The following CCN6 variants were observed in gnomAD, a reference collection of about 807,000 sequenced individuals.
CCN6 encodes cellular communication network factor 6.
A neutral mutation model predicts 37.4 loss-of-function variants in CCN6; 31 were observed. That is an observed-to-expected ratio of 0.83 (90% CI 0.62 to 1.12). The LOEUF (loss-of-function observed/expected upper bound fraction) is 1.12. Ranked by LOEUF, CCN6 falls within the 50% of genes most tolerant of loss-of-function variation. The pLI is 0.00. For missense variants in CCN6, 369 were observed against 413.8 expected, an observed-to-expected ratio of 0.89 and a Z score of 0.94; for synonymous variants, 137 against 142.1, an observed-to-expected ratio of 0.96 and a Z score of 0.26.
intron 2 of CCN6, among the ~76,000 whole-genome samples, chr6:112,063,010 G>GT (rs1423982861): frequency 6.6e-6 from 1 of 152,002 alleles, no homozygotes; most frequent in Non-Finnish European, 1.5e-5. Context: ...TAAGAATAAC[G>GT]TTTTTATGAA....
At chr6:112,069,184 G>A (rs185561719) in intron 4 of CCN6, among the ~76,000 whole-genome samples, 155 bp from the exon 5 acceptor site, 377 of 152,174 alleles carry the variant, frequency 2.5e-3, no homozygotes, top group Non-Finnish European at 4.0e-3. Flanking sequence ...GATAAGAAGG[G>A]GATCTTAAGG....
chr6:112,057,091 G>T (rs1234509973), intron 1 of CCN6, among the ~76,000 whole-genome samples: 1 of 152,162 alleles, frequency 6.6e-6, no homozygotes, highest in Non-Finnish European at 1.5e-5. Flanking sequence ...GGCATCCGGG[G>T]GCAGTTTTGG....
At chr6:112,059,211 A>C (rs1554312298) in intron 1 of CCN6, among the ~76,000 whole-genome samples, 1 of 152,138 alleles carries the variant, frequency 6.6e-6, no homozygotes, top group Non-Finnish European at 1.5e-5. Context: ...AAATAATTTG[A>C]GTCTCAGGGT....
intron 3 of CCN6, among the ~76,000 whole-genome samples, chr6:112,065,523 C>G (rs1554313732): frequency 6.6e-6 from 1 of 151,808 alleles, no homozygotes; most frequent in Non-Finnish European, 1.5e-5. Context: ...AGTCCTTTCC[C>G]TCACTCTGAA....
At chr6:112,063,349 T>C (rs151059380) in intron 2 of CCN6, among the ~76,000 whole-genome samples, 115 of 152,340 alleles carry the variant, frequency 7.5e-4, no homozygotes, top group African/African-American at 2.6e-3. Flanking sequence ...TCTGAAACCA[T>C]ATCAATGAAC....
At chr6:112,060,255 G>A (rs1246529592) in intron 1 of CCN6, among the ~76,000 whole-genome samples, 1 of 152,202 alleles carries the variant, frequency 6.6e-6, no homozygotes, top group Non-Finnish European at 1.5e-5. Flanking sequence ...CATTCTGGAT[G>A]TCAAGTGGAC....
intron 2 of CCN6, 58 bp downstream of exon 2, chr6:112,061,346 T>C (rs782586907): frequency 6.2e-6 from 10 of 1,611,964 alleles, no homozygotes; most frequent in South Asian, 5.5e-5. Flanking sequence ...AATTTTTTTT[T>C]CCTGCAATTG....
In CCN6 at chr6:112,060,228, G is replaced by T. The variant is rs1459489540; in HGVS notation, c.49-763G>T. ...TATGAGCAAAGAGTGATATGAACTG[G>T]CTTATTTTTAAAGAATCATTCTGGA... On this transcript the variant is annotated intron_variant, in intron 1 of 4. Transcript: ENST00000368666. Among the ~76,000 whole-genome samples the T allele has an allele frequency of 1.3e-5, 2 of 152,176 alleles. No individual in the cohort carries two copies. The highest frequency in any genetic ancestry group is 2.9e-5 in the Non-Finnish European group (2 of 68,030).
At chr6:112,068,437 AG>A in intron 4 of CCN6, 39 bp downstream of exon 4, 1 of 1,541,488 alleles carries the variant, frequency 6.5e-7, no homozygotes, top group Non-Finnish European at 8.8e-7. Flanking sequence ...CAATATTAAG[AG>A]ATTCCTGAAA....
intron 1 of CCN6, among the ~76,000 whole-genome samples, chr6:112,059,460 C>T (rs1245426338): frequency 6.6e-6 from 1 of 152,128 alleles, no homozygotes; most frequent in Non-Finnish European, 1.5e-5. Flanking sequence ...GACCATGACC[C>T]ATTTCAGCAA....
At chr6:112,065,608 A>G (rs145931271) in intron 3 of CCN6, among the ~76,000 whole-genome samples, 59 of 75,358 alleles carry the variant, frequency 7.8e-4, no homozygotes, top group African/African-American at 1.7e-3. Context: ...ACAAACACAC[A>G]CGCACACACA....
intron 1 of CCN6, among the ~76,000 whole-genome samples, chr6:112,060,447 A>G (rs1380995015): frequency 6.6e-6 from 1 of 152,238 alleles, no homozygotes; most frequent in Non-Finnish European, 1.5e-5. Flanking sequence ...AGAAGAGTCA[A>G]GCATGATCTG....
Position 112,054,416 on chromosome 6 carries a change from T to TC in CCN6, c.48+16dup. On this transcript the variant is annotated intron_variant, in intron 1 of 4. Transcript: ENST00000368666. ...GCTGGCCTGGCACAGGTAAGTCCTC[T>TC]CCCCCGACTCTTTCCCTTCCGGAGG... is the stretch of plus-strand genomic sequence containing the variant. 1 of 1,612,138 alleles carries TC rather than the reference T, an allele frequency of 6.2e-7. No homozygotes were observed. The highest frequency in any genetic ancestry group is 8.5e-7 in the Non-Finnish European group (1 of 1,179,280).
chr6:112,064,674 T>C, intron 2 of CCN6, 81 bp from the exon 3 acceptor site: 1 of 1,599,900 alleles, frequency 6.3e-7, no homozygotes, highest in Non-Finnish European at 8.5e-7. Flanking sequence ...GATGATCCGT[T>C]TCTTCTTAGG....
intron 1 of CCN6, among the ~76,000 whole-genome samples, chr6:112,060,528 G>A (rs1286090204): frequency 9.9e-5 from 15 of 152,170 alleles, no homozygotes; most frequent in African/African-American, 3.4e-4. Flanking sequence ...CAGAGTGGAA[G>A]GGGAAGCTTG....
intron 3 of CCN6, among the ~76,000 whole-genome samples, chr6:112,065,622 GCA>G (rs1562597732): frequency 7.3e-6 from 1 of 137,240 alleles, no homozygotes; most frequent in African/African-American, 2.7e-5. Flanking sequence ...ACACACACAC[GCA>G]CGCACACACA....
chr6:112,065,016 A>C lies in CCN6; in HGVS notation c.589+19A>C. On this transcript the variant is annotated intron_variant, in intron 3 of 4. Coordinates refer to ENST00000368666, the MANE Select transcript of CCN6 (RefSeq NM_198239.2). ...ATGCCAGGTGCTCAGAAGTAGAGCT[A>C]TTTTTCACGTATGACCTTGGTGGTA... 6.2e-7 allele frequency: 1 copy of C among 1,613,738 alleles called. No homozygotes were observed. The highest frequency in any genetic ancestry group is 8.5e-7 in the Non-Finnish European group (1 of 1,179,864).
intron 1 of CCN6, chr6:112,060,114 A>C (rs1259836558): frequency 7.4e-7 from 1 of 1,352,964 alleles, no homozygotes; most frequent in African/African-American, 1.5e-5. Context: ...TGGGCAAAGT[A>C]ATATGGGGAG....
At chr6:112,065,136 T>A in intron 3 of CCN6, 139 bp downstream of exon 3, 1 of 1,359,820 alleles carries the variant, frequency 7.4e-7, no homozygotes, top group Non-Finnish European at 1.0e-6. Flanking sequence ...TCATTTTACT[T>A]AATCTTTGCC....
Sources: allele counts gnomAD v4.1 joint callset (sites outside exome capture counted in the v4.1 genomes callset), GRCh38; gene constraint gnomAD v4.1.1; transcripts MANE v1.5; gene names NCBI Gene and HGNC (gene_info 2026-07-23, HGNC 2026-07-21).